Variants in TBCD observed in about 807,000 individuals in gnomAD.
The protein encoded by TBCD is tubulin folding cofactor D.
In TBCD, 105 loss-of-function variants were observed where a neutral mutation model predicts 169.3. The observed-to-expected ratio is 0.62, with a 90% CI of 0.53 to 0.73. The LOEUF is 0.73. TBCD is among the 30% of genes least tolerant of loss of function. TBCD has a pLI of 0.00. For synonymous variants in TBCD, 700 were observed against 643.9 expected (o/e 1.09, Z -1.32); for missense variants, 1,444 against 1,600.1 (o/e 0.90, Z 1.66).
At chr17:82,842,608 C>T (rs1175385101) in intron 13 of TBCD, among the ~76,000 whole-genome samples, 6 of 152,104 alleles carry the variant, frequency 3.9e-5, no homozygotes, top group African/African-American at 1.4e-4. Flanking sequence ...GAGGCACACA[C>T]CTTTTATAGG....
At chr17:82,906,132 C>A (rs550161071) in intron 20 of TBCD, 79 bp downstream of exon 20, 1 of 1,111,002 alleles carries the variant, frequency 9.0e-7, no homozygotes, top group South Asian at 1.4e-5. Context: ...CTCTCCAGTT[C>A]GAGACTCTCT....
At chr17:82,936,649 C>T (rs1568095543) in intron 34 of TBCD, among the ~76,000 whole-genome samples, 2 of 152,324 alleles carry the variant, frequency 1.3e-5, no homozygotes, top group Middle Eastern at 3.4e-3. Flanking sequence ...CCTTGACTCA[C>T]GGTCAGCAGT....
intron 6 of TBCD, among the ~76,000 whole-genome samples, chr17:82,779,788 T>G (rs603118): frequency 0.49 from 74,774 of 151,522 alleles, 19,546 homozygotes; most frequent in African/African-American, 0.68. Flanking sequence ...CGGAGGGAGG[T>G]TGGGCGTCAT....
chr17:82,893,901 G>A (rs868712179), intron 17 of TBCD, among the ~76,000 whole-genome samples: 4 of 152,212 alleles, frequency 2.6e-5, no homozygotes, highest in African/African-American at 7.2e-5. Context: ...CGGCCTTGCC[G>A]TGAGTGCTGT....
At chr17:82,869,938 GGT>G (rs2057438650) in intron 13 of TBCD, among the ~76,000 whole-genome samples, 1 of 151,420 alleles carries the variant, frequency 6.6e-6, no homozygotes, top group Non-Finnish European at 1.5e-5. Flanking sequence ...ACCCCTGGGT[GGT>G]ATCATGTGCT....
At chr17:82,900,910 C>T (rs1424770082) in intron 18 of TBCD, among the ~76,000 whole-genome samples, 179 bp downstream of exon 18, 1 of 152,250 alleles carries the variant, frequency 6.6e-6, no homozygotes, top group Non-Finnish European at 1.5e-5. Context: ...GGTCTGTCTC[C>T]AGTTCCACTT....
rs2063525340 is a variant in TBCD, at chr17:82,944,303, C to T, written c.*1840C>T. The stretch of plus-strand genomic sequence containing the variant: ...CTGGATCCCATCCATCACTGGGGCA[C>T]TTGTGCTCACCAGACACCTGGTGGC... On this transcript the variant is annotated 3_prime_UTR_variant, in exon 39 of 39. Transcript: ENST00000355528. 1 of 152,188 alleles carries T rather than the reference C, an allele frequency of 6.6e-6. No individual in the cohort carries two copies. Among genetic ancestry groups the T allele is most frequent in the Admixed American group, 6.5e-5 (1 of 15,282 alleles). 9.4% of individuals were successfully genotyped at this position (152,188 alleles called of 1,614,324 possible).
intron 18 of TBCD, among the ~76,000 whole-genome samples, chr17:82,902,146 T>C (rs11869416): frequency 0.029 from 4,387 of 152,246 alleles, 220 homozygotes; most frequent in African/African-American, 0.099. Flanking sequence ...CTCTTCCTAA[T>C]GTATTGACCC....
In TBCD at chr17:82,932,670, G is replaced by A. The variant is rs369672739; in HGVS notation, c.3126G>A (p.Pro1042=). 426 of 1,613,462 alleles carry A rather than the reference G, an allele frequency of 2.6e-4. 3 individuals are homozygous for A. In the South Asian group the frequency reaches 4.4e-3, roughly 17 times the overall value. The change falls in exon 34 of 39, where the codon CCG becomes CCA. Residue 1042 remains proline (P), a synonymous_variant. Coordinates refer to ENST00000355528, the MANE Select transcript of TBCD (RefSeq NM_005993.5). ...DNLLNERVSV[P]LLKTLDHVLT... is the part of the protein sequence containing the mutation. The stretch of plus-strand genomic sequence containing the variant: ...CTTCTCCCCTCAGGGTGTCCGTGCC[G>A]CTGCTGAAGACGCTGGACCACGTGC...
At chr17:82,942,154 T>C (rs1421317511) in intron 38 of TBCD, 1 of 544,106 alleles carries the variant, frequency 1.8e-6, no homozygotes, top group African/African-American at 1.9e-5. Flanking sequence ...TGGAATTAAA[T>C]GTGCTTTTTA....
At position 82,781,621 on chromosome 17, in the gene TBCD, A is replaced by G; in HGVS notation, c.671A>G (p.Lys224Arg). 1 of 1,613,902 alleles carries G rather than the reference A, an allele frequency of 6.2e-7. No individual in the cohort carries two copies. The highest frequency in any genetic ancestry group is 1.1e-5 in the South Asian group (1 of 91,076). ...ACACGTCCTGATGTCAAGCAAAGCAAGATGGCTGAGTTCCTGGACTGGAGC... is the reference window on the plus strand; with the variant it reads ...ACACGTCCTGATGTCAAGCAAAGCAGGATGGCTGAGTTCCTGGACTGGAGC... ...FITRPDVKQS[K>R]MAEFLDWSLC... The change falls in exon 7 of 39, where the codon AAG becomes AGG. Residue 224 changes from lysine (K) to arginine (R), a missense_variant. Transcript: ENST00000355528.
intron 13 of TBCD, among the ~76,000 whole-genome samples, chr17:82,850,373 CTGT>C (rs1370018454): frequency 6.7e-6 from 1 of 148,278 alleles, no homozygotes; most frequent in East Asian, 2.0e-4. Flanking sequence ...GTTGGCTGTC[CTGT>C]TGTTGGCTGT....
At position 82,864,502 on chromosome 17, in the gene TBCD, C is replaced by G. The variant is rs1052855483; in HGVS notation, c.1319-5722C>G. The G allele has an allele frequency of 6.6e-6, 1 of 152,280 alleles. No individual in the cohort carries two copies. The highest frequency in any genetic ancestry group is 1.9e-4 in the East Asian group (1 of 5,188). The allele number at this position is 152,280 out of a possible 1,614,324, so 9.4% of individuals were successfully genotyped here. A position where few individuals can be genotyped will look rare whatever the true frequency, so the allele number is the denominator to read the frequency against. ...CGTGTTGGCCAGGGTGTGTCATACACCTGGCCTGGCCTGCGTGCCTCACGT... is the reference window on the plus strand; with the variant it reads ...CGTGTTGGCCAGGGTGTGTCATACAGCTGGCCTGGCCTGCGTGCCTCACGT... On this transcript the variant is annotated intron_variant, in intron 13 of 38. Transcript: ENST00000355528. This position sits in a 1 kb window ranked among gnomAD's most constrained non-coding sequence, Gnocchi z 6.3.
chr17:82,842,776 CTTTCTTTTTTTTTT>C (rs1299908821), intron 13 of TBCD, among the ~76,000 whole-genome samples: 1 of 142,134 alleles, frequency 7.0e-6, no homozygotes, highest in Non-Finnish European at 1.5e-5. Context: ...CATTTTCTTT[CTTTCTTTTTTTTTT>C]TTTTTTTTGA....
rs1362076764 is a variant in TBCD at position 82,789,921 on chromosome 17, T to C, written c.772-7836T>C. 2.0e-5 allele frequency among the ~76,000 whole-genome samples: 3 copies of C among 152,216 alleles called. No individual in the cohort carries two copies. Among genetic ancestry groups the C allele is most frequent in the Non-Finnish European group, 4.4e-5 (3 of 68,038 alleles). The stretch of plus-strand genomic sequence containing the variant: ...ATGGGAGCTTCTGTGCTGCTGTCCG[T>C]GCATACGGCCCAGGAGCCGGGCTCA... On this transcript the variant is annotated intron_variant, in intron 7 of 38. Coordinates refer to ENST00000355528, the MANE Select transcript of TBCD (RefSeq NM_005993.5). This position sits in a 1 kb window ranked among gnomAD's most constrained non-coding sequence, Gnocchi z 4.8.
Position 82,832,585 on chromosome 17 carries a change from G to C in TBCD, c.1318+17651G>C. On this transcript the variant is annotated intron_variant, in intron 13 of 38. Coordinates refer to ENST00000355528, the MANE Select transcript of TBCD (RefSeq NM_005993.5). The surrounding 1 kb of genome is among the most constrained non-coding windows in gnomAD (Gnocchi z 4.9). ...TCCCGATCACTTCTATCAGAAGCCA[G>C]CTCTGCGTGCTGAGGGTCTGGCGAG... 1.2e-6 allele frequency: 1 copy of C among 804,986 alleles called. No homozygotes were observed. The allele number at this position is 804,986 out of a possible 1,614,324, so 49.9% of individuals were successfully genotyped here. A position where few individuals can be genotyped will look rare whatever the true frequency, so the allele number is the denominator to read the frequency against.
chr17:82,820,039 C>T (rs1054921629), intron 13 of TBCD, among the ~76,000 whole-genome samples: 28 of 151,018 alleles, frequency 1.9e-4, no homozygotes, highest in African/African-American at 4.6e-4. Context: ...AGTGCAGTGG[C>T]GCCCTCTTGG....
At chr17:82,901,474 G>GGCTGCCTGCCGTGGTCCT (rs2059888796) in intron 18 of TBCD, among the ~76,000 whole-genome samples, 1 of 147,892 alleles carries the variant, frequency 6.8e-6, no homozygotes, top group Admixed American at 6.7e-5. Context: ...GGAGCGGCCC[G>GGCTGCCTGCCGTGGTCCT]GCTGCCTGCC....
chr17:82,892,972 G>A (rs1186172073), intron 16 of TBCD: 1 of 152,266 alleles, frequency 6.6e-6, no homozygotes, highest in Non-Finnish European at 1.5e-5. Flanking sequence ...GGTCCTCGAT[G>A]CTTCTGGGGT....
Sources: gnomAD v4.1 joint callset for allele counts (sites outside exome capture counted in the v4.1 genomes callset) on GRCh38, gnomAD v4.1.1 for gene constraint, Gnocchi (gnomAD v3.1) non-coding constraint, MANE v1.5 for transcripts, NCBI Gene and HGNC (gene_info 2026-07-23, HGNC 2026-07-21) for gene names.